The following USP43 variants were observed in gnomAD, a reference collection of about 807,000 sequenced individuals.
USP43 encodes the protein ubiquitin carboxyl-terminal hydrolase 43.
USP43 carries 33 observed loss-of-function variants against 90.7 expected under a neutral mutation model. The ratio of observed to expected loss-of-function variants is 0.36; its 90% confidence interval spans 0.28 to 0.49. The LOEUF is 0.49. Among genes scored for constraint, USP43 ranks in the 20% least tolerant of loss-of-function variants. The pLI is 0.98. For missense variants in USP43, 1,274 were observed against 1,476.4 expected, an observed-to-expected ratio of 0.86 and a Z score of 2.25; for synonymous variants, 598 against 615.8, an observed-to-expected ratio of 0.97 and a Z score of 0.43.
chr17:9,672,111 C>T (rs1913475491), intron 3 of USP43, among the ~76,000 whole-genome samples: 1 of 152,110 alleles, frequency 6.6e-6, no homozygotes, highest in Non-Finnish European at 1.5e-5. Context: ...ATTCTTCTGC[C>T]TCAACTTCCC....
intron 3 of USP43, among the ~76,000 whole-genome samples, chr17:9,667,296 A>G (rs112764192): frequency 0.019 from 2,826 of 152,016 alleles, 72 homozygotes; most frequent in African/African-American, 0.055. Context: ...GATTGCTTGG[A>G]CCCAGGAGGT....
intron 13 of USP43, 34 bp from the exon 14 acceptor site, chr17:9,711,933 TG>T: frequency 6.5e-7 from 1 of 1,550,270 alleles, no homozygotes; most frequent in Non-Finnish European, 8.7e-7. Flanking sequence ...GTGCTGGGGT[TG>T]GGCTCAGCCT....
intron 8 of USP43, among the ~76,000 whole-genome samples, chr17:9,691,113 T>C (rs1196478889): frequency 1.7e-5 from 2 of 119,052 alleles, no homozygotes; most frequent in Non-Finnish European, 3.2e-5. Context: ...CCTTCATTTT[T>C]TTTTTTTTCT....
intron 1 of USP43, among the ~76,000 whole-genome samples, chr17:9,646,855 GC>G: frequency 6.6e-6 from 1 of 152,042 alleles, no homozygotes; most frequent in African/African-American, 2.4e-5. Flanking sequence ...TTTGTTTAAG[GC>G]GCATTCAATC....
At chr17:9,694,711 C>G (rs1253788884) in intron 9 of USP43, among the ~76,000 whole-genome samples, 1 of 152,130 alleles carries the variant, frequency 6.6e-6, no homozygotes, top group Non-Finnish European at 1.5e-5. Flanking sequence ...CACCCTCCGC[C>G]TTTCTGGGTT....
At chr17:9,665,052 A>C (rs940090691) in intron 2 of USP43, among the ~76,000 whole-genome samples, 1 of 152,178 alleles carries the variant, frequency 6.6e-6, no homozygotes, top group Non-Finnish European at 1.5e-5. Context: ...TTGGCATAAC[A>C]GGGCCTTAAT....
At chr17:9,667,298 C>T (rs1255775192) in intron 3 of USP43, among the ~76,000 whole-genome samples, 3 of 151,920 alleles carry the variant, frequency 2.0e-5, no homozygotes, top group Non-Finnish European at 4.4e-5. Context: ...TTGCTTGGAC[C>T]CAGGAGGTCA....
intron 14 of USP43, among the ~76,000 whole-genome samples, chr17:9,721,354 A>G (rs1156332319): frequency 6.6e-6 from 1 of 152,126 alleles, no homozygotes; most frequent in African/African-American, 2.4e-5. Flanking sequence ...TTGATCTAGA[A>G]GTTATCTGGA....
At chr17:9,651,898 A>C (rs1381857820) in intron 1 of USP43, among the ~76,000 whole-genome samples, 2 of 152,226 alleles carry the variant, frequency 1.3e-5, no homozygotes, top group African/African-American at 4.8e-5. Flanking sequence ...ACTGTCATTC[A>C]TGATACCAGA....
Position 9,728,238 on chromosome 17 carries a change from G to C in USP43, c.2620G>C (p.Ala874Pro), listed in dbSNP as rs771999914. 6.2e-7 allele frequency: 1 copy of C among 1,613,864 alleles called. No individual in the cohort carries two copies. The highest frequency in any genetic ancestry group is 1.1e-5 in the South Asian group (1 of 91,060). Reference sequence around the variant, plus strand: ...GCCGAGGTCCAACGTCGCCCTTCCTGCTAACAGCGAAGATGGTGGGCGGGC... The same window carrying C: ...GCCGAGGTCCAACGTCGCCCTTCCTCCTAACAGCGAAGATGGTGGGCGGGC... Reference protein sequence around the residue: ...ASPRSNVALPANSEDGGRAIE... With the variant: ...ASPRSNVALPPNSEDGGRAIE... The change falls in exon 15 of 15, where the codon GCT (alanine) becomes CCT (proline). Residue 874 changes from alanine (A) to proline (P), a missense_variant. Ala to Pro is a conservative substitution (Grantham distance 27). This residue lies in a region of USP43 where 353 missense variants were observed against 329.7 expected (regional missense o/e 1.07). Transcript: ENST00000285199. This position sits in a 1 kb window ranked among gnomAD's most constrained non-coding sequence, Gnocchi z 6.2.
intron 3 of USP43, 32 bp downstream of exon 3, chr17:9,666,783 C>T (rs971781787): frequency 2.6e-6 from 4 of 1,540,510 alleles, no homozygotes; most frequent in Non-Finnish European, 3.6e-6. Flanking sequence ...AATGTATCAC[C>T]CGAGGGCTCC....
chr17:9,722,578 C>T (rs150136697), intron 14 of USP43, among the ~76,000 whole-genome samples: 19 of 152,232 alleles, frequency 1.2e-4, no homozygotes, highest in Non-Finnish European at 1.9e-4. Context: ...GAAGTTTTGC[C>T]GCTCAGGTCA....
chr17:9,695,687 A>G (rs1653685113), intron 9 of USP43, among the ~76,000 whole-genome samples: 1 of 152,106 alleles, frequency 6.6e-6, no homozygotes, highest in East Asian at 1.9e-4. Context: ...TGTTACATTT[A>G]CCTTGTTATA....
At chr17:9,681,486 A>T (rs368633482) in intron 6 of USP43, among the ~76,000 whole-genome samples, 2,892 of 38,098 alleles carry the variant, frequency 0.076, 306 homozygotes, top group African/African-American at 0.2. Context: ...ATATATATAT[A>T]TATATATATA....
In USP43 at chr17:9,728,043, C is replaced by A; in HGVS notation, c.2425C>A (p.Pro809Thr). Residue 809 changes from proline to threonine, a missense_variant, in exon 15 of 15, where the codon CCA becomes ACA. By Grantham distance (38) the Pro-to-Thr change is conservative. Coordinates refer to ENST00000285199, the MANE Select transcript of USP43 (RefSeq NM_153210.5). The surrounding 1 kb of genome is among the most constrained non-coding windows in gnomAD (Gnocchi z 6.2). ...CACCACTTCCCGAGCCAAGCAGGGA[C>A]CATTCAAGACCATGCCTCTGCGGTG... Reference protein sequence around the residue: ...APTTSRAKQGPFKTMPLRWSF... With the variant: ...APTTSRAKQGTFKTMPLRWSF... 1 of 1,613,896 alleles carries A rather than the reference C, an allele frequency of 6.2e-7. No individual in the cohort carries two copies. Among genetic ancestry groups the A allele is most frequent in the Non-Finnish European group, 8.5e-7 (1 of 1,179,868 alleles).
chr17:9,675,656 A>G lies in USP43; in HGVS notation c.833+673A>G, dbSNP rs543276596. On this transcript the variant is annotated intron_variant, in intron 4 of 14. Coordinates refer to ENST00000285199, the MANE Select transcript of USP43 (RefSeq NM_153210.5). Reference sequence around the variant, plus strand: ...GTGCCATTTCTCTTACCCTCTTCCTATTGACATCCCCTGCCTTTAGGATGC... The same window carrying G: ...GTGCCATTTCTCTTACCCTCTTCCTGTTGACATCCCCTGCCTTTAGGATGC... Among the ~76,000 whole-genome samples, 39 of 152,162 alleles carry G rather than the reference A, an allele frequency of 2.6e-4. No homozygotes were observed. In the South Asian group the frequency reaches 8.1e-3, roughly 32 times the overall value.
At chr17:9,683,840 A>T (rs945462672) in intron 7 of USP43, among the ~76,000 whole-genome samples, 11 of 152,176 alleles carry the variant, frequency 7.2e-5, no homozygotes, top group Non-Finnish European at 1.3e-4. Context: ...CACACGTATA[A>T]ATTTCAGGTT....
rs1225946695 is a variant in USP43 at position 9,728,433 on chromosome 17, G to T, written c.2815G>T (p.Val939Leu). 4 of 1,611,806 alleles carry T rather than the reference G, an allele frequency of 2.5e-6. No homozygotes were observed. Among genetic ancestry groups the T allele is most frequent in the South Asian group, 2.2e-5 (2 of 90,744 alleles). The change falls in exon 15 of 15, where the codon GTG (valine) becomes TTG (leucine). Residue 939 changes from valine to leucine, a missense_variant. Around this residue, in one of 6 missense-constraint regions of USP43, gnomAD observed 353 missense variants for 329.7 expected, o/e 1.07. Coordinates refer to ENST00000285199, the MANE Select transcript of USP43 (RefSeq NM_153210.5). This position sits in a 1 kb window ranked among gnomAD's most constrained non-coding sequence, Gnocchi z 6.2. Reference sequence around the variant, plus strand: ...CCTGCCTCTCACTGTGATGCCTTCAGTGGAGCATGAGAAACCAGCTCGACC... The same window carrying T: ...CCTGCCTCTCACTGTGATGCCTTCATTGGAGCATGAGAAACCAGCTCGACC... ...FDLPLTVMPS[V>L]EHEKPARPEG...
At chr17:9,664,721 T>C (rs1912898390) in intron 2 of USP43, among the ~76,000 whole-genome samples, 1 of 149,900 alleles carries the variant, frequency 6.7e-6, no homozygotes, top group African/African-American at 2.5e-5. Flanking sequence ...CACTTTAAGC[T>C]CCGCCTCCCG....
Sources: allele counts gnomAD v4.1 joint callset (sites outside exome capture counted in the v4.1 genomes callset), GRCh38; gene constraint gnomAD v4.1.1; regional missense constraint gnomAD v4.1.1; non-coding constraint Gnocchi (gnomAD v3.1); transcripts MANE v1.5; gene names NCBI Gene and HGNC (gene_info 2026-07-23, HGNC 2026-07-21).